The following PAQR5 variants were observed in gnomAD, a reference collection of about 807,000 sequenced individuals.
The protein encoded by PAQR5 is progestin and adipoQ receptor family member 5.
PAQR5 carries 20 observed loss-of-function variants against 34.5 expected under a neutral mutation model. The observed-to-expected ratio is 0.58, with a 90% CI of 0.41 to 0.84. The LOEUF is 0.84. Among genes scored for constraint, PAQR5 ranks in the 40% least tolerant of loss-of-function variants. The pLI, the probability that PAQR5 is intolerant of heterozygous loss-of-function variation, is 0.00. For synonymous variants in PAQR5, 131 were observed against 155.6 expected (o/e 0.84, Z 1.18); for missense variants, 378 against 412.7 (o/e 0.92, Z 0.73).
At chr15:69,349,137 T>C (rs528562838) in intron 2 of PAQR5, among the ~76,000 whole-genome samples, 2 of 152,128 alleles carry the variant, frequency 1.3e-5, no homozygotes, top group East Asian at 3.9e-4. Context: ...GTAATGTGGG[T>C]GGGCACCATC....
At chr15:69,366,267 T>C (rs1430262712) in intron 3 of PAQR5, among the ~76,000 whole-genome samples, 2 of 152,254 alleles carry the variant, frequency 1.3e-5, no homozygotes, top group Non-Finnish European at 2.9e-5. Context: ...GGTTCATCTA[T>C]GCTGTAGCAT....
intron 2 of PAQR5, among the ~76,000 whole-genome samples, chr15:69,354,838 G>C (rs1595887539): frequency 6.6e-6 from 1 of 152,218 alleles, no homozygotes; most frequent in Non-Finnish European, 1.5e-5. Flanking sequence ...CAAGGGCCCA[G>C]AGAGAACAAA....
Position 69,330,769 on chromosome 15 carries a change from A to C in PAQR5, c.-276-6572A>C, listed in dbSNP as rs113518869. ...AGTAATGATAAAACTCCAGTCTCCCACACAGCAGGCTCTGCGTGAATTACT... is the reference window on the plus strand; with the variant it reads ...AGTAATGATAAAACTCCAGTCTCCCCCACAGCAGGCTCTGCGTGAATTACT... On this transcript the variant is annotated intron_variant, in intron 1 of 8. Coordinates refer to ENST00000395407, the MANE Select transcript of PAQR5 (RefSeq NM_017705.4). Among the ~76,000 whole-genome samples, 51 of 152,364 alleles carry C rather than the reference A, an allele frequency of 3.3e-4. 1 individual carries two copies. Among genetic ancestry groups the C allele is most frequent in the African/African-American group, 1.2e-3 (50 of 41,578 alleles).
intron 4 of PAQR5, chr15:69,382,758 A>ATATG (rs2055935078): frequency 2.2e-5 from 3 of 137,598 alleles, no homozygotes; most frequent in African/African-American, 8.4e-5. Context: ...GTGTATATAT[A>ATATG]TGTGTATATA....
rs537097193 is a variant in PAQR5 at position 69,318,814 on chromosome 15, AATT to A, written c.-276-18521_-276-18519del. Reference sequence around the variant, plus strand: ...AACCACCATAATAATAAAACAGAACAATTATTATAATATGTTATAATAAAAGTT... The same window carrying A: ...AACCACCATAATAATAAAACAGAACAATTATAATATGTTATAATAAAAGTT... On this transcript the variant is annotated intron_variant, in intron 1 of 8. Coordinates refer to ENST00000395407, the MANE Select transcript of PAQR5 (RefSeq NM_017705.4). Among the ~76,000 whole-genome samples the A allele has an allele frequency of 1.5e-3, 231 of 151,384 alleles. 1 individual carries two copies. The highest frequency in any genetic ancestry group is 5.5e-3 in the African/African-American group (224 of 40,820).
At chr15:69,333,484 G>A (rs779585622) in intron 1 of PAQR5, among the ~76,000 whole-genome samples, 2 of 152,182 alleles carry the variant, frequency 1.3e-5, no homozygotes, top group Non-Finnish European at 2.9e-5. Flanking sequence ...GATCAGAGAC[G>A]CATGCTCTCG....
At chr15:69,393,789 A>G (rs1002793404) in intron 6 of PAQR5, among the ~76,000 whole-genome samples, 8 of 152,228 alleles carry the variant, frequency 5.3e-5, no homozygotes, top group Non-Finnish European at 1.5e-5. Context: ...AAGGCAGACC[A>G]TTAAGGCCAA....
At chr15:69,376,005 C>T (rs960638332) in intron 3 of PAQR5, among the ~76,000 whole-genome samples, 7 of 152,190 alleles carry the variant, frequency 4.6e-5, no homozygotes, top group Non-Finnish European at 1.5e-5. Context: ...AAGTCTTGGC[C>T]ATGCAAGAAG....
chr15:69,300,587 T>C (rs549587307), intron 1 of PAQR5, among the ~76,000 whole-genome samples: 2 of 66,174 alleles, frequency 3.0e-5, no homozygotes, highest in East Asian at 4.2e-4. Flanking sequence ...CTTTCTTTCT[T>C]TCCTTCTTTC....
At chr15:69,361,848 G>C (rs1053934583) in intron 3 of PAQR5, among the ~76,000 whole-genome samples, 2 of 152,124 alleles carry the variant, frequency 1.3e-5, no homozygotes, top group African/African-American at 4.8e-5. Flanking sequence ...CTTCATGAAG[G>C]GGGTGATCTG....
chr15:69,325,811 G>A lies in PAQR5; in HGVS notation c.-276-11530G>A, dbSNP rs187887407. The stretch of plus-strand genomic sequence containing the variant: ...AGCCTCATCTACCTCTCCACCCACC[G>A]CAGTTTCTACGCACAGCCATCTGCC... On this transcript the variant is annotated intron_variant, in intron 1 of 8. Transcript: ENST00000395407. 4.6e-5 allele frequency among the ~76,000 whole-genome samples: 7 copies of A among 152,122 alleles called. No individual in the cohort carries two copies. In the East Asian group the frequency reaches 9.7e-4, roughly 21 times the overall value.
chr15:69,381,867 G>C (rs1304659107), intron 4 of PAQR5, among the ~76,000 whole-genome samples: 1 of 152,186 alleles, frequency 6.6e-6, no homozygotes, highest in Non-Finnish European at 1.5e-5. Flanking sequence ...TTCAGCTCCT[G>C]CATATGAAAA....
intron 5 of PAQR5, among the ~76,000 whole-genome samples, chr15:69,388,982 A>C (rs1326528359): frequency 6.6e-6 from 1 of 152,162 alleles, no homozygotes; most frequent in Non-Finnish European, 1.5e-5. Flanking sequence ...CTTCCAAATA[A>C]ATGCTTCAGC....
intron 3 of PAQR5, chr15:69,379,630 A>C: frequency 2.1e-6 from 2 of 972,332 alleles, no homozygotes; most frequent in Non-Finnish European, 2.4e-6. Flanking sequence ...GGGGAATGCA[A>C]AGACAGGCTG....
At chr15:69,347,757 G>T (rs1485568903) in intron 2 of PAQR5, among the ~76,000 whole-genome samples, 1 of 152,160 alleles carries the variant, frequency 6.6e-6, no homozygotes, top group Non-Finnish European at 1.5e-5. Context: ...GTGTCTTCTT[G>T]CTGTGTCTTC....
intron 3 of PAQR5, 56 bp from the exon 4 acceptor site, chr15:69,379,827 G>A: frequency 6.3e-7 from 1 of 1,584,842 alleles, no homozygotes; most frequent in Non-Finnish European, 8.6e-7. Context: ...TTTCTCCAGA[G>A]ACCTTCGTGC....
intron 3 of PAQR5, among the ~76,000 whole-genome samples, chr15:69,365,046 AATTTTATTTTATTTTATTTTATTTT>A (rs71803465): frequency 0.024 from 3,226 of 132,000 alleles, 68 homozygotes; most frequent in Middle Eastern, 0.043. Context: ...TTCCCTTATG[AATTTTATTTTATTTTATTTTATTTT>A]ATTTTATTTT....
chr15:69,390,368 G>A (rs868432554), intron 6 of PAQR5, among the ~76,000 whole-genome samples: 1 of 28,732 alleles, frequency 3.5e-5, no homozygotes, highest in South Asian at 1.5e-3. Context: ...TTATTTTTTT[G>A]AGACAGGGTC....
intron 3 of PAQR5, among the ~76,000 whole-genome samples, chr15:69,364,739 A>AT (rs985755858): frequency 2.0e-5 from 3 of 150,518 alleles, no homozygotes; most frequent in African/African-American, 7.3e-5. Flanking sequence ...TTCCCTCATA[A>AT]TTTTTTTTAT....
Sources: gnomAD v4.1 joint callset for allele counts (sites outside exome capture counted in the v4.1 genomes callset) on GRCh38, gnomAD v4.1.1 for gene constraint, MANE v1.5 for transcripts, NCBI Gene and HGNC (gene_info 2026-07-23, HGNC 2026-07-21) for gene names.